The following HIGD1C variants were observed in gnomAD, a reference collection of about 807,000 sequenced individuals.
The protein encoded by HIGD1C is HIG1 hypoxia inducible domain family member 1C.
A neutral mutation model predicts 13.1 loss-of-function variants in HIGD1C; 11 were observed. That is an observed-to-expected ratio of 0.84 (90% CI 0.53 to 1.39). HIGD1C has a LOEUF of 1.39. HIGD1C is among the 40% of genes most tolerant of loss of function. The pLI, the probability that HIGD1C is intolerant of heterozygous loss-of-function variation, is 0.00. For missense variants in HIGD1C, 110 were observed against 112.0 expected (o/e 0.98, Z 0.08); for synonymous variants, 36 against 37.7 (o/e 0.95, Z 0.17).
Position 50,954,089 on chromosome 12 carries a change from A to G in HIGD1C, c.91A>G (p.Ile31Val), listed in dbSNP as rs755532661. 5.5e-5 allele frequency: 88 copies of G among 1,594,910 alleles called. No individual in the cohort carries two copies. The highest frequency in any genetic ancestry group is 7.2e-5 in the Non-Finnish European group (84 of 1,162,796). ...ATCTAGAGACTCCCCCTTTGTCCCT[A>G]TAGGTAAGTACAAGCCTTGACTGGA... is the stretch of plus-strand genomic sequence containing the variant. The change falls in exon 1 of 3, where the codon ATA (isoleucine) becomes GTA (valine). Residue 31 changes from isoleucine to valine, a missense_variant. Transcript: ENST00000398455.
intron 1 of HIGD1C, 196 bp downstream of exon 3, chr12:50,954,288 T>C: frequency 2.2e-6 from 1 of 456,780 alleles, no homozygotes; most frequent in Non-Finnish European, 3.8e-6. Flanking sequence ...AGCTGTTATT[T>C]GAGGCATCAA....
intron 2 of HIGD1C, among the ~76,000 whole-genome samples, chr12:50,969,577 T>C (rs1307126926): frequency 1.3e-5 from 2 of 151,696 alleles, no homozygotes; most frequent in African/African-American, 4.8e-5. Flanking sequence ...GTGGTGCCTG[T>C]AATCCCAGCT....
chr12:50,932,919 T>C, the HIGD1C span, among the ~76,000 whole-genome samples: 29,807 of 152,092 alleles, frequency 0.2, 3,297 homozygotes, highest in East Asian at 0.5. Flanking sequence ...CTCCCCAGAA[T>C]TGGAACCTCC....
chr12:50,943,705 C>T, the HIGD1C span, among the ~76,000 whole-genome samples: 1 of 149,212 alleles, frequency 6.7e-6, no homozygotes, highest in African/African-American at 2.5e-5. Context: ...GAGACTCTGT[C>T]TCAAAAAAAA....
chr12:50,970,489 A>C (rs1231804978), exon 3 of HIGD1C: 13 of 1,533,346 alleles, frequency 8.5e-6, no homozygotes, highest in Admixed American at 3.9e-5. Context: ...ACGATTCTTC[A>C]GTGAGTCCAA....
chr12:50,948,853 AGAGCGAGGAG>A, the HIGD1C span, among the ~76,000 whole-genome samples: 1 of 50,116 alleles, frequency 2.0e-5, no homozygotes, highest in Non-Finnish European at 3.5e-5. Context: ...GCCTGGCGAC[AGAGCGAGGAG>A]GAGGGGGGAG....
the HIGD1C span, among the ~76,000 whole-genome samples, chr12:50,941,329 AACTATTAAT>A: frequency 6.6e-6 from 1 of 152,216 alleles, no homozygotes; most frequent in Admixed American, 6.5e-5. Flanking sequence ...GGAGAAAGTG[AACTATTAAT>A]ACATTGTTAA....
intron 1 of HIGD1C, 51 bp downstream of exon 3, chr12:50,954,143 C>A (rs1273907678): frequency 5.5e-6 from 6 of 1,084,782 alleles, no homozygotes; most frequent in Non-Finnish European, 8.4e-6. Context: ...CACAATGATG[C>A]CTTACCCAGT....
At chr12:50,950,498 A>C (rs1013378580), upstream of HIGD1C, among the ~76,000 whole-genome samples, 1 of 151,958 alleles carries the variant, frequency 6.6e-6, no homozygotes, top group Non-Finnish European at 1.5e-5. Flanking sequence ...TAGAATGCCT[A>C]CTAATAAATG....
intron 1 of HIGD1C, 190 bp downstream of exon 3, chr12:50,954,282 GTTAT>G: frequency 2.2e-6 from 1 of 454,608 alleles, no homozygotes; most frequent in East Asian, 3.4e-5. Flanking sequence ...AATGTTAGCT[GTTAT>G]TTGAGGCATC....
rs556392001 is a variant in HIGD1C at position 50,956,253 on chromosome 12, G to A, written c.94+2161G>A. On this transcript the variant is annotated intron_variant, in intron 1 of 2. Transcript: ENST00000398455. Reference sequence around the variant, plus strand: ...CTAAAAATACAAAAATTAGCTGGGTGTGGTGGCAGGCGCCTGTAGTCCCAG... The same window carrying A: ...CTAAAAATACAAAAATTAGCTGGGTATGGTGGCAGGCGCCTGTAGTCCCAG... Among the ~76,000 whole-genome samples the A allele has an allele frequency of 3.7e-3, 563 of 152,202 alleles. 1 individual carries two copies. Among genetic ancestry groups the A allele is most frequent in the African/African-American group, 0.012 (504 of 41,522 alleles).
intron 2 of HIGD1C, among the ~76,000 whole-genome samples, chr12:50,969,470 C>G (rs961698122): frequency 6.6e-6 from 1 of 152,012 alleles, no homozygotes; most frequent in African/African-American, 2.4e-5. Flanking sequence ...GAGGCCAAGG[C>G]AGGCAGACCA....
chr12:50,937,031 T>G, the HIGD1C span, among the ~76,000 whole-genome samples: 1 of 152,238 alleles, frequency 6.6e-6, no homozygotes, highest in Non-Finnish European at 1.5e-5. Flanking sequence ...CAATTTCTTC[T>G]TTGTTTCTTC....
upstream of HIGD1C, among the ~76,000 whole-genome samples, chr12:50,953,279 TAA>T (rs1938965545): frequency 1.3e-5 from 2 of 152,212 alleles, no homozygotes; most frequent in African/African-American, 4.8e-5. Context: ...TTCTTACGCT[TAA>T]GTTTTCTGAT....
chr12:50,941,435 C>T, the HIGD1C span, among the ~76,000 whole-genome samples: 1 of 152,062 alleles, frequency 6.6e-6, no homozygotes, highest in East Asian at 1.9e-4. Flanking sequence ...AAACATTGGC[C>T]TTACGTTTGC....
chr12:50,966,709 A>G (rs1939553474), intron 2 of HIGD1C, among the ~76,000 whole-genome samples: 1 of 152,174 alleles, frequency 6.6e-6, no homozygotes, highest in African/African-American at 2.4e-5. Flanking sequence ...TCTATTGGCA[A>G]AGGAGTCTCA....
intron 1 of HIGD1C, among the ~76,000 whole-genome samples, chr12:50,956,622 G>C (rs868471745): frequency 6.6e-6 from 1 of 152,138 alleles, no homozygotes; most frequent in Non-Finnish European, 1.5e-5. Flanking sequence ...TCTATTTAAA[G>C]TATGTGTTGA....
chr12:50,932,310 T>G, the HIGD1C span: 1 of 152,226 alleles, frequency 6.6e-6, no homozygotes, highest in African/African-American at 2.4e-5. Flanking sequence ...TTCTTTGTTC[T>G]TTGCAACTAT....
chr12:50,941,874 A>G, the HIGD1C span, among the ~76,000 whole-genome samples: 1 of 152,002 alleles, frequency 6.6e-6, no homozygotes, highest in African/African-American at 2.4e-5. Flanking sequence ...TCACTCTCCT[A>G]TTCATGCTCC....
Sources: allele counts gnomAD v4.1 joint callset (sites outside exome capture counted in the v4.1 genomes callset), GRCh38; gene constraint gnomAD v4.1.1; transcripts MANE v1.5; gene names NCBI Gene and HGNC (gene_info 2026-07-23, HGNC 2026-07-21).